Variants in FAR2 observed in about 807,000 individuals in gnomAD.
FAR2 encodes epididymis secretory protein Li 81.
A neutral mutation model predicts 56.0 loss-of-function variants in FAR2; 19 were observed. That is an observed-to-expected ratio of 0.34 (90% CI 0.24 to 0.50). The LOEUF (loss-of-function observed/expected upper bound fraction) is 0.50. Among genes scored for constraint, FAR2 ranks in the 20% least tolerant of loss-of-function variants. The pLI is 0.98. For synonymous variants in FAR2, 219 were observed against 218.8 expected, an observed-to-expected ratio of 1.00 and a Z score of -0.01; for missense variants, 508 against 642.2, an observed-to-expected ratio of 0.79 and a Z score of 2.26.
intron 1 of FAR2, among the ~76,000 whole-genome samples, chr12:29,249,266 C>T (rs543977750): frequency 7.9e-5 from 12 of 152,316 alleles, no homozygotes; most frequent in African/African-American, 1.4e-4. Flanking sequence ...TCACAATCCA[C>T]GTTCTTCTGC....
intron 3 of FAR2, 72 bp from the exon 4 acceptor site, chr12:29,296,949 A>T: frequency 1.5e-6 from 2 of 1,379,248 alleles, no homozygotes; most frequent in Non-Finnish European, 2.0e-6. Context: ...CAGTTATTGG[A>T]GTAGGTGCAG....
chr12:29,299,437 C>T (rs1264570783), intron 4 of FAR2, among the ~76,000 whole-genome samples: 1 of 152,058 alleles, frequency 6.6e-6, no homozygotes, highest in Non-Finnish European at 1.5e-5. Context: ...TATATGTCAA[C>T]CAGACAAGGC....
chr12:29,242,570 C>T (rs939450986), intron 1 of FAR2, among the ~76,000 whole-genome samples: 1 of 152,164 alleles, frequency 6.6e-6, no homozygotes, highest in Non-Finnish European at 1.5e-5. Context: ...TATATTCAAC[C>T]TATGGTAAAG....
intron 1 of FAR2, among the ~76,000 whole-genome samples, chr12:29,221,493 A>G (rs1947690314): frequency 6.6e-6 from 1 of 152,200 alleles, no homozygotes. Context: ...CAATTGGAAA[A>G]TGCAAATATC....
At chr12:29,329,818 A>C (rs971560383) in intron 10 of FAR2, among the ~76,000 whole-genome samples, 3 of 152,172 alleles carry the variant, frequency 2.0e-5, no homozygotes, top group Admixed American at 2.0e-4. Context: ...AAATAAAATA[A>C]AATGCAAAAC....
At chr12:29,228,077 C>G (rs1448910819) in intron 1 of FAR2, among the ~76,000 whole-genome samples, 1 of 149,100 alleles carries the variant, frequency 6.7e-6, no homozygotes, top group Non-Finnish European at 1.5e-5. Flanking sequence ...CACATGTATA[C>G]ATATGTAACA....
At chr12:29,279,547 A>C (rs1226397395) in intron 2 of FAR2, among the ~76,000 whole-genome samples, 1 of 152,214 alleles carries the variant, frequency 6.6e-6, no homozygotes, top group Non-Finnish European at 1.5e-5. Context: ...GCAATATTTC[A>C]CAGACATGGC....
chr12:29,223,247 C>G (rs1441022235), intron 1 of FAR2, among the ~76,000 whole-genome samples: 1 of 152,194 alleles, frequency 6.6e-6, no homozygotes, highest in African/African-American at 2.4e-5. Context: ...GAACCTAGCA[C>G]TATAACTTTT....
intron 2 of FAR2, 102 bp from the exon 3 acceptor site, chr12:29,293,198 T>G: frequency 9.9e-7 from 1 of 1,012,974 alleles, no homozygotes; most frequent in South Asian, 2.0e-5. Context: ...TTATTACAAC[T>G]AAAACCAGTT....
chr12:29,272,114 G>T (rs1014432179), intron 2 of FAR2, among the ~76,000 whole-genome samples: 9 of 152,274 alleles, frequency 5.9e-5, no homozygotes, highest in Admixed American at 5.9e-4. Flanking sequence ...TTTTCTTGGG[G>T]TTGATCTTCT....
chr12:29,176,643 T>A (rs1342551844), intron 1 of FAR2, among the ~76,000 whole-genome samples: 2 of 152,358 alleles, frequency 1.3e-5, no homozygotes, highest in African/African-American at 4.8e-5. Flanking sequence ...TCAAAATTAC[T>A]CAGTGGCTTA....
At chr12:29,201,081 C>T (rs1321075546) in intron 1 of FAR2, among the ~76,000 whole-genome samples, 1 of 152,140 alleles carries the variant, frequency 6.6e-6, no homozygotes, top group Non-Finnish European at 1.5e-5. Flanking sequence ...TCCCTTCCAC[C>T]CTGTCTAGCA....
At chr12:29,193,705 A>C (rs1354945038) in intron 1 of FAR2, among the ~76,000 whole-genome samples, 1 of 152,362 alleles carries the variant, frequency 6.6e-6, no homozygotes, top group East Asian at 1.9e-4. Context: ...AGTTGCTATC[A>C]ACATTTGTGT....
chr12:29,152,527 A>C (rs897901375), intron 1 of FAR2, among the ~76,000 whole-genome samples: 1 of 152,222 alleles, frequency 6.6e-6, no homozygotes, highest in Admixed American at 6.5e-5. Context: ...ACTGAGGAAT[A>C]AAATAGTGTG....
Position 29,316,991 on chromosome 12 carries a change from G to T in FAR2, c.1106G>T (p.Arg369Leu). ...GCCATTATCTATGACTGCTATCTGCGGCTCACTGGAAGGAAGCCCAGGTGA... is the reference window on the plus strand; with the variant it reads ...GCCATTATCTATGACTGCTATCTGCTGCTCACTGGAAGGAAGCCCAGGTGA... ...APAIIYDCYL[R>L]LTGRKPRMTK... Residue 369 changes from arginine to leucine, a missense_variant, in exon 9 of 12, where the codon CGG (arginine) becomes CTG (leucine). By Grantham distance (102) the Arg-to-Leu change is moderately radical. Transcript: ENST00000536681. 1.2e-6 allele frequency: 2 copies of T among 1,613,360 alleles called. No individual in the cohort carries two copies. The highest frequency in any genetic ancestry group is 8.5e-7 in the Non-Finnish European group (1 of 1,179,542).
intron 2 of FAR2, among the ~76,000 whole-genome samples, chr12:29,285,971 G>A (rs1948868455): frequency 6.6e-6 from 1 of 151,930 alleles, no homozygotes; most frequent in African/African-American, 2.4e-5. Flanking sequence ...CAAGCCATGA[G>A]GTTCAACATG....
intron 1 of FAR2, among the ~76,000 whole-genome samples, chr12:29,166,932 A>G (rs192388532): frequency 2.0e-5 from 3 of 152,224 alleles, no homozygotes; most frequent in South Asian, 4.2e-4. Flanking sequence ...CTCATAGTCA[A>G]TGAGCTTCCT....
At chr12:29,190,180 T>A (rs1304508092) in intron 1 of FAR2, among the ~76,000 whole-genome samples, 5 of 152,172 alleles carry the variant, frequency 3.3e-5, no homozygotes, top group African/African-American at 7.2e-5. Flanking sequence ...ACAAGTCAAA[T>A]GAGCGGGCAC....
rs558189128 is a variant in FAR2 at position 29,303,486 on chromosome 12, G to C, written c.546-4172G>C. On this transcript the variant is annotated intron_variant, in intron 4 of 11. Coordinates refer to ENST00000536681, the MANE Select transcript of FAR2 (RefSeq NM_001271783.2). Reference sequence around the variant, plus strand: ...ACCTACTAAAAACCATGCTTCTGAGGCTACACAGTCACCAGAAGACACAGC... The same window carrying C: ...ACCTACTAAAAACCATGCTTCTGAGCCTACACAGTCACCAGAAGACACAGC... Among the ~76,000 whole-genome samples, 8 of 152,182 alleles carry C rather than the reference G, an allele frequency of 5.3e-5. No individual in the cohort carries two copies. In the South Asian group the frequency reaches 1.2e-3, roughly 24 times the overall value.
Sources: gnomAD v4.1 joint callset for allele counts (sites outside exome capture counted in the v4.1 genomes callset) on GRCh38, gnomAD v4.1.1 for gene constraint, MANE v1.5 for transcripts, NCBI Gene and HGNC (gene_info 2026-07-23, HGNC 2026-07-21) for gene names.